Variants in CREBRF observed in about 807,000 individuals in gnomAD.
The protein encoded by CREBRF is UPF0474 protein C5orf41.
In CREBRF, 5 loss-of-function variants were observed where a neutral mutation model predicts 66.1. The ratio of observed to expected loss-of-function variants is 0.08; its 90% confidence interval spans 0.04 to 0.16. The LOEUF (loss-of-function observed/expected upper bound fraction) is 0.16, where lower values mean the gene tolerates loss of function less well. Ranked by LOEUF, CREBRF falls within the 10% of genes least tolerant of loss-of-function variation. The pLI, the probability that CREBRF is intolerant of heterozygous loss-of-function variation, is 1.00. For synonymous variants in CREBRF, 229 were observed against 264.4 expected, an observed-to-expected ratio of 0.87 and a Z score of 1.30; for missense variants, 531 against 744.9, an observed-to-expected ratio of 0.71 and a Z score of 3.34.
At chr5:173,076,203 G>A (rs1173514160) in intron 1 of CREBRF, among the ~76,000 whole-genome samples, 9 of 152,150 alleles carry the variant, frequency 5.9e-5, no homozygotes, top group East Asian at 1.9e-4. Flanking sequence ...ATGAGAGCAC[G>A]TGAGACAGAG....
intron 1 of CREBRF, chr5:173,068,226 T>C: frequency 2.4e-6 from 1 of 411,386 alleles, no homozygotes; most frequent in Non-Finnish European, 4.9e-6. Flanking sequence ...TGGAACTAGG[T>C]TCAGGTTACT....
rs1758333222 is a variant in CREBRF, at chr5:173,091,319, T to A, written c.1140T>A (p.Ser380=). 1 of 1,613,014 alleles carries A rather than the reference T, an allele frequency of 6.2e-7. No individual in the cohort carries two copies. Among genetic ancestry groups the A allele is most frequent in the Admixed American group, 1.7e-5 (1 of 59,852 alleles). The change falls in exon 4 of 9, where the codon TCT becomes TCA. Residue 380 remains serine (S), a synonymous_variant. Transcript: ENST00000296953. ...DEGFGSEHEL[S]ENEEEEEEEE... is the part of the protein sequence containing the mutation. ...GATTCGGCAGTGAGCATGAACTGTC[T>A]GAAAATGAGGAGGAGGAAGAAGAGG...
chr5:173,079,975 G>A (rs997516332), intron 1 of CREBRF, among the ~76,000 whole-genome samples: 4 of 152,120 alleles, frequency 2.6e-5, no homozygotes, highest in Admixed American at 6.6e-5. Context: ...CCTCAGGCCC[G>A]TTTTCCCTCA....
intron 1 of CREBRF, among the ~76,000 whole-genome samples, chr5:173,072,230 C>T (rs1487490559): frequency 6.6e-6 from 1 of 151,902 alleles, no homozygotes; most frequent in Non-Finnish European, 1.5e-5. Flanking sequence ...GACTCAGCCT[C>T]CTGAGTAGCT....
chr5:173,123,002 A>G (rs905881832), intron 7 of CREBRF, 78 bp from the exon 8 acceptor site: 16 of 1,368,156 alleles, frequency 1.2e-5, no homozygotes, highest in African/African-American at 1.5e-5. Flanking sequence ...CCATTTCTTA[A>G]TTATCTGTTA....
chr5:173,100,128 A>ATATATATAATTTTTTT (rs1758588683), intron 4 of CREBRF, among the ~76,000 whole-genome samples: 1 of 109,650 alleles, frequency 9.1e-6, no homozygotes, highest in Non-Finnish European at 2.0e-5. Context: ...GTATATATAT[A>ATATATATAATTTTTTT]TAATTTTTTT....
rs546249073 is a variant in CREBRF, at chr5:173,096,497, C to T, written c.1222+5096C>T. Among the ~76,000 whole-genome samples the T allele has an allele frequency of 1.7e-4, 23 of 135,146 alleles. No individual in the cohort carries two copies. The East Asian group carries it at 1.9e-3, about 11-fold the overall frequency. 88.7% of individuals were successfully genotyped at this position (135,146 alleles called of 152,430 possible). On this transcript the variant is annotated intron_variant, in intron 4 of 8. Coordinates refer to ENST00000296953, the MANE Select transcript of CREBRF (RefSeq NM_153607.3). ...TCCCCTTTCTGTGTCCAGTCCCTCC[C>T]CTGCCCTCCTCTCCCCTCTTGCCCC... is the stretch of plus-strand genomic sequence containing the variant.
rs746969344 is a variant in CREBRF at position 173,110,619 on chromosome 5, G to C, written c.1515G>C (p.Leu505=). 1.2e-6 allele frequency: 2 copies of C among 1,614,094 alleles called. No homozygotes were observed. The highest frequency in any genetic ancestry group is 2.2e-5 in the South Asian group (2 of 91,086). ...LLQIGNELRK[L]NKVISDLTPV... ...AGATAGGCAATGAACTTCGGAAACTGAATAAGGTGATTAGTGACCTGACTC... is the reference window on the plus strand; with the variant it reads ...AGATAGGCAATGAACTTCGGAAACTCAATAAGGTGATTAGTGACCTGACTC... The change falls in exon 6 of 9, where the codon CTG becomes CTC. Residue 505 remains leucine, a synonymous_variant. Coordinates refer to ENST00000296953, the MANE Select transcript of CREBRF (RefSeq NM_153607.3).
rs1554125245 is a variant in CREBRF at position 173,100,131 on chromosome 5, A to ATATAAT, written c.1223-8492_1223-8491insATAATT. On this transcript the variant is annotated intron_variant, in intron 4 of 8. Coordinates refer to ENST00000296953, the MANE Select transcript of CREBRF (RefSeq NM_153607.3). The stretch of plus-strand genomic sequence containing the variant: ...GTGTGTGTGTGTGTATATATATATA[A>ATATAAT]TTTTTTTTTTTTTTTTTTTTTTTTA... Among the ~76,000 whole-genome samples the ATATAAT allele has an allele frequency of 3.3e-4, 14 of 42,866 alleles. 1 individual carries two copies. The highest frequency in any genetic ancestry group is 7.7e-4 in the African/African-American group (8 of 10,454). The allele number at this position is 42,866 out of a possible 152,430, so 28.1% of individuals were successfully genotyped here.
chr5:173,069,877 T>C (rs1165907725), intron 1 of CREBRF, among the ~76,000 whole-genome samples: 1 of 151,878 alleles, frequency 6.6e-6, no homozygotes, highest in Non-Finnish European at 1.5e-5. Context: ...TTTGAAAAGG[T>C]GCCAAATCTG....
At chr5:173,084,694 T>C (rs1758078161) in intron 2 of CREBRF, among the ~76,000 whole-genome samples, 1 of 152,312 alleles carries the variant, frequency 6.6e-6, no homozygotes, top group East Asian at 1.9e-4. Flanking sequence ...CAGGCTGGAG[T>C]GCAGTGGCAC....
intron 4 of CREBRF, among the ~76,000 whole-genome samples, chr5:173,107,896 A>G (rs1231706306): frequency 6.6e-6 from 1 of 150,812 alleles, no homozygotes; most frequent in East Asian, 1.9e-4. Context: ...CTGCGGCACA[A>G]TCTCGGCTCA....
chr5:173,074,301 CAA>C (rs34804335), intron 1 of CREBRF, among the ~76,000 whole-genome samples: 35 of 126,366 alleles, frequency 2.8e-4, no homozygotes, highest in African/African-American at 3.0e-4. Flanking sequence ...AAGTCTGTCT[CAA>C]AAAAAAAAAA....
chr5:173,133,518 AC>A, intron 8 of CREBRF, 111 bp from the exon 9 acceptor site: 1 of 523,984 alleles, frequency 1.9e-6, no homozygotes, highest in Non-Finnish European at 3.5e-6. Context: ...TTCATTTGGG[AC>A]CAGTATCAAG....
rs536098870 is a variant in CREBRF, at chr5:173,123,371, TG to T, written c.1804+170del. On this transcript the variant is annotated intron_variant, in intron 8 of 8. Coordinates refer to ENST00000296953, the MANE Select transcript of CREBRF (RefSeq NM_153607.3). ...TTTTGAGATTTAGTGTTCATAAACA[TG>T]TGTTGCAGGTGACCACAACTTGTAA... is the stretch of plus-strand genomic sequence containing the variant. 1.4e-4 allele frequency: 80 copies of T among 568,816 alleles called. No individual in the cohort carries two copies. The East Asian group carries it at 2.6e-3, about 18-fold the overall frequency. The allele number at this position is 568,816 out of a possible 1,614,324, so 35.2% of individuals were successfully genotyped here.
chr5:173,098,364 T>G (rs1171012960), intron 4 of CREBRF, among the ~76,000 whole-genome samples: 2 of 152,082 alleles, frequency 1.3e-5, no homozygotes, highest in Non-Finnish European at 2.9e-5. Context: ...TTTTTTGTAT[T>G]TTTTAGTAGA....
Position 173,079,460 on chromosome 5 carries a change from CT to C in CREBRF, c.-191-1119del, listed in dbSNP as rs1179281145. 7.5e-3 allele frequency among the ~76,000 whole-genome samples: 901 copies of C among 120,030 alleles called. 8 individuals carry two copies. The highest frequency in any genetic ancestry group is 0.029 in the African/African-American group (839 of 28,868). The allele number at this position is 120,030 out of a possible 152,430, so 78.7% of individuals were successfully genotyped here. A position where few individuals can be genotyped will look rare whatever the true frequency, so the allele number is the denominator to read the frequency against. The stretch of plus-strand genomic sequence containing the variant: ...CCTGGGTGACAGAGTGAGACTCTGT[CT>C]TTTTTAAAAAAAAAAAAAAAAAAGG... On this transcript the variant is annotated intron_variant, in intron 1 of 8. Coordinates refer to ENST00000296953, the MANE Select transcript of CREBRF (RefSeq NM_153607.3).
At chr5:173,124,880 TTTC>T (rs995495772) in intron 8 of CREBRF, among the ~76,000 whole-genome samples, 8 of 151,398 alleles carry the variant, frequency 5.3e-5, no homozygotes, top group African/African-American at 1.5e-4. Context: ...TCTTTTCTCT[TTTC>T]TTCTTCTTTC....
chr5:173,092,432 C>G, intron 4 of CREBRF: 1 of 985,214 alleles, frequency 1.0e-6, no homozygotes, highest in Non-Finnish European at 1.2e-6. Context: ...CATGCTTGGG[C>G]TTTTGGCGCT....
Sources: allele counts gnomAD v4.1 joint callset (sites outside exome capture counted in the v4.1 genomes callset), GRCh38; gene constraint gnomAD v4.1.1; transcripts MANE v1.5; gene names NCBI Gene and HGNC (gene_info 2026-07-23, HGNC 2026-07-21).